Variants in STK32A observed in about 807,000 individuals in gnomAD.
STK32A encodes serine/threonine-protein kinase 32A.
STK32A carries 41 observed loss-of-function variants against 53.2 expected under a neutral mutation model. The ratio of observed to expected loss-of-function variants is 0.77; its 90% confidence interval spans 0.60 to 1.00. The LOEUF (loss-of-function observed/expected upper bound fraction) is 1.00. Ranked by LOEUF, STK32A falls within the 50% of genes least tolerant of loss-of-function variation. STK32A has a pLI of 0.00. For missense variants in STK32A, 458 were observed against 485.8 expected, an observed-to-expected ratio of 0.94 and a Z score of 0.54; for synonymous variants, 166 against 162.8, an observed-to-expected ratio of 1.02 and a Z score of -0.15.
intron 4 of STK32A, among the ~76,000 whole-genome samples, chr5:147,292,674 G>C (rs1173415369): frequency 6.6e-6 from 1 of 152,104 alleles, no homozygotes; most frequent in Admixed American, 6.5e-5. Flanking sequence ...TTCGAGACCA[G>C]CCTGACCAAC....
At chr5:147,398,770 G>A in the STK32A span, among the ~76,000 whole-genome samples, 1 of 152,158 alleles carries the variant, frequency 6.6e-6, no homozygotes, top group South Asian at 2.1e-4. Flanking sequence ...CCACATCTAG[G>A]GGAAGCTTTC....
At chr5:147,300,461 G>A (rs1156433603) in intron 4 of STK32A, among the ~76,000 whole-genome samples, 2 of 152,166 alleles carry the variant, frequency 1.3e-5, no homozygotes, top group Admixed American at 6.5e-5. Flanking sequence ...ACTGTGTAAG[G>A]CAGGTATGTC....
At chr5:147,346,402 G>A (rs540508943) in intron 6 of STK32A, among the ~76,000 whole-genome samples, 97 of 152,272 alleles carry the variant, frequency 6.4e-4, no homozygotes, top group African/African-American at 2.3e-3. Context: ...ATCACACCAT[G>A]CTGCTTACAT....
the STK32A span, among the ~76,000 whole-genome samples, chr5:147,396,528 G>A: frequency 1.3e-5 from 2 of 152,170 alleles, no homozygotes; most frequent in Admixed American, 6.5e-5. Context: ...GACCGTGCAG[G>A]ATGGATCATC....
chr5:147,299,432 C>T (rs1214425817), intron 4 of STK32A, among the ~76,000 whole-genome samples: 1 of 152,092 alleles, frequency 6.6e-6, no homozygotes, highest in African/African-American at 2.4e-5. Flanking sequence ...ACTTAGAATG[C>T]CTTAACTGTC....
chr5:147,279,232 G>C lies in STK32A; in HGVS notation c.109-15G>C. On this transcript the variant is annotated splice_polypyrimidine_tract_variant and intron_variant, in intron 3 of 12. Coordinates refer to ENST00000397936, the MANE Select transcript of STK32A (RefSeq NM_001112724.2). ...ATCTCCCTAATCACTCTCTCACTCG[G>C]GTTTTCACCATTAGGTCTGCATTGT... The C allele has an allele frequency of 6.3e-7, 1 of 1,599,566 alleles. No individual in the cohort carries two copies. The highest frequency in any genetic ancestry group is 1.7e-4 in the Middle Eastern group (1 of 6,004).
At chr5:147,330,097 C>T (rs974304257) in intron 5 of STK32A, among the ~76,000 whole-genome samples, 9 of 152,138 alleles carry the variant, frequency 5.9e-5, no homozygotes, top group Non-Finnish European at 5.9e-5. Flanking sequence ...TTTATCAGCT[C>T]GCAGTTTCTT....
intron 5 of STK32A, among the ~76,000 whole-genome samples, chr5:147,330,002 C>G (rs534638419): frequency 1.3e-5 from 2 of 152,336 alleles, no homozygotes; most frequent in South Asian, 4.1e-4. Context: ...ATGTGGGGTT[C>G]TGGTCTGCCT....
chr5:147,364,428 T>C (rs1176894931), intron 8 of STK32A, among the ~76,000 whole-genome samples: 1 of 152,138 alleles, frequency 6.6e-6, no homozygotes, highest in Non-Finnish European at 1.5e-5. Context: ...TTCTAGTGCA[T>C]ACATCCACAG....
Position 147,372,269 on chromosome 5 carries a change from C to CTTTTTTTT in STK32A, c.778-877_778-870dup, listed in dbSNP as rs71274369. Among the ~76,000 whole-genome samples, 12 of 49,352 alleles carry CTTTTTTTT rather than the reference C, an allele frequency of 2.4e-4. 1 individual carries two copies. Among genetic ancestry groups the CTTTTTTTT allele is most frequent in the East Asian group, 1.8e-3 (2 of 1,128 alleles). 32.4% of individuals were successfully genotyped at this position (49,352 alleles called of 152,430 possible). On this transcript the variant is annotated intron_variant, in intron 9 of 12. Coordinates refer to ENST00000397936, the MANE Select transcript of STK32A (RefSeq NM_001112724.2). ...GGGGCCCAAGAGGAATGGGCTTGGC[C>CTTTTTTTT]TTTTTTTTTTTTTTTTTTTTTTTTT...
At chr5:147,361,384 C>A in intron 7 of STK32A, 133 bp from the exon 8 acceptor site, 1 of 697,674 alleles carries the variant, frequency 1.4e-6, no homozygotes, top group Non-Finnish European at 2.6e-6. Context: ...AGCAATCTAG[C>A]AACGGATGAT....
intron 6 of STK32A, among the ~76,000 whole-genome samples, chr5:147,344,883 G>A (rs1410121865): frequency 6.6e-6 from 1 of 152,186 alleles, no homozygotes; most frequent in East Asian, 1.9e-4. Flanking sequence ...TCCCTTCAGA[G>A]AACAGTGTTT....
chr5:147,341,784 T>C (rs117719385), intron 5 of STK32A, among the ~76,000 whole-genome samples: 6 of 152,336 alleles, frequency 3.9e-5, no homozygotes, highest in East Asian at 1.9e-4. Flanking sequence ...CATTGTATTA[T>C]ATACCAGAAA....
the STK32A span, chr5:147,401,901 G>C: frequency 2.1e-6 from 1 of 481,480 alleles, no homozygotes; most frequent in Non-Finnish European, 3.4e-6. Context: ...TAGATTAAAA[G>C]AAGCCATTGG....
downstream of STK32A, among the ~76,000 whole-genome samples, chr5:147,390,116 T>C (rs1468839176): frequency 6.6e-6 from 1 of 152,200 alleles, no homozygotes; most frequent in Non-Finnish European, 1.5e-5. Flanking sequence ...TACAACTGGA[T>C]TCAGCAGTGT....
At chr5:147,381,279 T>C (rs936925196) in intron 11 of STK32A, among the ~76,000 whole-genome samples, 1 of 152,194 alleles carries the variant, frequency 6.6e-6, no homozygotes, top group African/African-American at 2.4e-5. Context: ...CGTCATCTTA[T>C]GATGTACTTG....
At chr5:147,315,391 C>A (rs1309333840) in intron 4 of STK32A, among the ~76,000 whole-genome samples, 3 of 152,038 alleles carry the variant, frequency 2.0e-5, no homozygotes, top group Non-Finnish European at 4.4e-5. Flanking sequence ...TATTACTCAG[C>A]CTTATAAAGG....
intron 11 of STK32A, chr5:147,383,229 A>G: frequency 1.7e-6 from 1 of 583,994 alleles, no homozygotes; most frequent in Non-Finnish European, 3.0e-6. Context: ...TGCCAGTGCA[A>G]TCGCTGTCTA....
chr5:147,314,425 G>T (rs1315529645), intron 4 of STK32A, among the ~76,000 whole-genome samples: 1 of 149,800 alleles, frequency 6.7e-6, no homozygotes, highest in African/African-American at 2.5e-5. Flanking sequence ...TTGAACCTGG[G>T]AGGTAGAGGT....
Sources: allele counts gnomAD v4.1 joint callset (sites outside exome capture counted in the v4.1 genomes callset), GRCh38; gene constraint gnomAD v4.1.1; transcripts MANE v1.5; gene names NCBI Gene and HGNC (gene_info 2026-07-23, HGNC 2026-07-21).